RBFOX1: variants seen among roughly 807,000 people sequenced by gnomAD.
RBFOX1 encodes the protein RNA binding protein fox-1 homolog 1.
In RBFOX1, 8 loss-of-function variants were observed where a neutral mutation model predicts 57.7. That is an observed-to-expected ratio of 0.14 (90% CI 0.08 to 0.25). RBFOX1 has a LOEUF of 0.25. Among genes scored for constraint, RBFOX1 ranks in the 10% least tolerant of loss-of-function variants. The probability of loss-of-function intolerance (pLI) is 1.00; values close to 1 mark genes in which losing one functional copy is unlikely to be tolerated. For synonymous variants in RBFOX1, 326 were observed against 222.4 expected, an observed-to-expected ratio of 1.47 and a Z score of -4.15; for missense variants, 611 against 548.5, an observed-to-expected ratio of 1.11 and a Z score of -1.14.
intron 1 of RBFOX1, among the ~76,000 whole-genome samples, chr16:5,448,513 T>A (rs1012216213): frequency 3.9e-5 from 6 of 152,220 alleles, no homozygotes; most frequent in African/African-American, 1.2e-4. Context: ...CTTCTCACTT[T>A]CCAAGCCAGA....
chr16:6,207,856 T>C (rs2097265498), intron 1 of RBFOX1, among the ~76,000 whole-genome samples: 1 of 151,602 alleles, frequency 6.6e-6, no homozygotes. Flanking sequence ...TCCAGCTAAT[T>C]AAAAAAAAAT....
intron 4 of RBFOX1, among the ~76,000 whole-genome samples, chr16:7,385,169 G>A (rs2097855095): frequency 1.3e-5 from 2 of 152,214 alleles, no homozygotes; most frequent in South Asian, 2.1e-4. Flanking sequence ...CCACGATAAT[G>A]AATATAAGTT....
chr16:5,953,891 G>T (rs570964977), intron 4 of RBFOX1, among the ~76,000 whole-genome samples: 121 of 152,218 alleles, frequency 7.9e-4, no homozygotes, highest in African/African-American at 2.7e-3. Context: ...CACTAAAAAT[G>T]AGTTGTTGTT....
chr16:5,271,066 C>G (rs781519659), intron 1 of RBFOX1: 20 of 202,144 alleles, frequency 9.9e-5, no homozygotes, highest in Non-Finnish European at 1.7e-4. Context: ...GCCTGTAATC[C>G]TAGCTACTCA....
chr16:7,287,981 G>A (rs1026756737), intron 4 of RBFOX1, among the ~76,000 whole-genome samples: 66 of 152,176 alleles, frequency 4.3e-4, no homozygotes, highest in African/African-American at 1.5e-3. Context: ...GCTGTTGAAC[G>A]AAAAATCCAA....
intron 4 of RBFOX1, among the ~76,000 whole-genome samples, chr16:7,297,216 T>C (rs2095912985): frequency 6.6e-6 from 1 of 152,316 alleles, no homozygotes; most frequent in South Asian, 2.1e-4. Flanking sequence ...AAACTTATTT[T>C]CCACATCTTC....
chr16:6,599,460 C>G (rs7197304), intron 2 of RBFOX1, among the ~76,000 whole-genome samples: 149,484 of 152,240 alleles, frequency 0.98, 73,472 homozygotes, highest in South Asian at 1. Context: ...ATAACAAGGA[C>G]GCTTCAAAAA....
chr16:5,853,500 C>A (rs2056947554), intron 3 of RBFOX1, among the ~76,000 whole-genome samples: 1 of 152,176 alleles, frequency 6.6e-6, no homozygotes, highest in Admixed American at 6.5e-5. Context: ...AATCGCTGGA[C>A]CATCCAGCTG....
intron 3 of RBFOX1, among the ~76,000 whole-genome samples, chr16:5,751,743 C>A (rs1487396435): frequency 6.6e-6 from 1 of 152,164 alleles, no homozygotes; most frequent in Non-Finnish European, 1.5e-5. Context: ...AGAGAACTGA[C>A]TCCAAATTGA....
chr16:7,298,285 GTTTTTTTTT>G (rs201092743), intron 4 of RBFOX1, among the ~76,000 whole-genome samples: 7 of 96,592 alleles, frequency 7.2e-5, no homozygotes, highest in African/African-American at 2.8e-4. Context: ...GTTTTTTTTT[GTTTTTTTTT>G]TTTTTTTTTT....
chr16:5,442,848 C>G (rs1402982005), intron 1 of RBFOX1, among the ~76,000 whole-genome samples: 2 of 152,174 alleles, frequency 1.3e-5, no homozygotes, highest in African/African-American at 4.8e-5. Flanking sequence ...GAAATAAGGT[C>G]TTTGCAGATG....
Position 7,029,241 on chromosome 16 carries a change from C to T in RBFOX1, c.-15-22816C>T, listed in dbSNP as rs142609981. Among the ~76,000 whole-genome samples, 22 of 49,398 alleles carry T rather than the reference C, an allele frequency of 4.5e-4. No individual in the cohort carries two copies. The East Asian group carries it at 9.6e-3, about 22-fold the overall frequency. 32.4% of individuals were successfully genotyped at this position (49,398 alleles called of 152,430 possible). A position where few individuals can be genotyped will look rare whatever the true frequency, so the allele number is the denominator to read the frequency against. The stretch of plus-strand genomic sequence containing the variant: ...ATATACACACATATATATACGTATA[C>T]GTATATATATACACACATATATATA... On this transcript the variant is annotated intron_variant, in intron 3 of 15. Coordinates refer to ENST00000550418, the MANE Select transcript of RBFOX1 (RefSeq NM_018723.4).
intron 1 of RBFOX1, among the ~76,000 whole-genome samples, chr16:5,380,908 G>A (rs565822065): frequency 6.6e-6 from 1 of 152,364 alleles, no homozygotes; most frequent in Admixed American, 6.5e-5. Context: ...AAGAGATAAA[G>A]AATGCTTTGT....
intron 1 of RBFOX1, among the ~76,000 whole-genome samples, chr16:5,432,119 T>C (rs2067756927): frequency 6.6e-6 from 1 of 152,134 alleles, no homozygotes; most frequent in South Asian, 2.1e-4. Flanking sequence ...GAGCCCCTTC[T>C]AGGGCCATGG....
chr16:5,596,119 G>A (rs866947282), intron 2 of RBFOX1, among the ~76,000 whole-genome samples: 11 of 152,146 alleles, frequency 7.2e-5, no homozygotes, highest in South Asian at 2.1e-4. Context: ...CCTAGCTAGG[G>A]GGAAGGGGCT....
chr16:6,953,376 T>C (rs949612639), intron 3 of RBFOX1, among the ~76,000 whole-genome samples: 43 of 18,278 alleles, frequency 2.4e-3, no homozygotes, highest in East Asian at 0.017. Flanking sequence ...TATACATGAT[T>C]TTTTTTGTTG....
chr16:6,190,539 A>C (rs557743387), intron 1 of RBFOX1, among the ~76,000 whole-genome samples: 1 of 152,332 alleles, frequency 6.6e-6, no homozygotes, highest in Non-Finnish European at 1.5e-5. Flanking sequence ...GATTGTTATG[A>C]AGTTGAATGA....
At chr16:7,127,067 C>T (rs1011202071) in intron 4 of RBFOX1, among the ~76,000 whole-genome samples, 1 of 151,550 alleles carries the variant, frequency 6.6e-6, no homozygotes, top group African/African-American at 2.4e-5. Flanking sequence ...TTGGTCCTTC[C>T]TAGACCCCTT....
chr16:6,900,977 T>C (rs1158888823), intron 3 of RBFOX1, among the ~76,000 whole-genome samples: 3 of 152,198 alleles, frequency 2.0e-5, no homozygotes, highest in Non-Finnish European at 4.4e-5. Flanking sequence ...GATGTTCCCA[T>C]AACGTTCATT....
Sources: gnomAD v4.1 joint callset for allele counts (sites outside exome capture counted in the v4.1 genomes callset) on GRCh38, gnomAD v4.1.1 for gene constraint, MANE v1.5 for transcripts, NCBI Gene and HGNC (gene_info 2026-07-23, HGNC 2026-07-21) for gene names.